STT3B: variants seen among roughly 807,000 people sequenced by gnomAD.
STT3B encodes the protein STT3 oligosaccharyltransferase complex catalytic subunit B.
Under a neutral mutation model 96.8 loss-of-function variants are expected in STT3B, and 29 were observed. The ratio of observed to expected loss-of-function variants is 0.30; its 90% CI spans 0.22 to 0.41. The LOEUF is 0.41. Ranked by LOEUF, STT3B falls within the 10% of genes least tolerant of loss-of-function variation. The pLI, the probability that STT3B is intolerant of heterozygous loss-of-function variation, is 1.00. For synonymous variants in STT3B, 367 were observed against 360.0 expected (o/e 1.02, Z -0.22); for missense variants, 640 against 1,022.3 (o/e 0.63, Z 5.10).
At chr3:31,535,684 C>T (rs1261872903) in intron 1 of STT3B, among the ~76,000 whole-genome samples, 2 of 152,142 alleles carry the variant, frequency 1.3e-5, no homozygotes, top group African/African-American at 4.8e-5. Flanking sequence ...GATCGCGCCA[C>T]TGCACTCCAG....
chr3:31,620,219 GAGTCAAGATCA>G, intron 9 of STT3B: 1 of 203,790 alleles, frequency 4.9e-6, no homozygotes, highest in Non-Finnish European at 1.0e-5. Context: ...AGGTTGCAGT[GAGTCAAGATCA>G]AGCCACTGCA....
intron 9 of STT3B, among the ~76,000 whole-genome samples, chr3:31,621,874 T>C (rs1015684200): frequency 3.3e-5 from 5 of 152,242 alleles, no homozygotes; most frequent in Non-Finnish European, 5.9e-5. Context: ...ATCATATACA[T>C]TTTTCTAAAC....
intron 15 of STT3B, among the ~76,000 whole-genome samples, chr3:31,634,201 CATT>C (rs1336100520): frequency 1.3e-5 from 2 of 152,110 alleles, no homozygotes; most frequent in East Asian, 3.9e-4. Flanking sequence ...GGTAAAATAA[CATT>C]AAAAAATCAG....
intron 3 of STT3B, among the ~76,000 whole-genome samples, chr3:31,588,482 T>C (rs966676506): frequency 2.0e-5 from 3 of 151,078 alleles, no homozygotes; most frequent in African/African-American, 2.4e-5. Context: ...TCTTTAGTCA[T>C]CTGGATGCAC....
At chr3:31,559,758 T>C (rs1035100889) in intron 1 of STT3B, among the ~76,000 whole-genome samples, 4 of 152,112 alleles carry the variant, frequency 2.6e-5, no homozygotes, top group African/African-American at 4.8e-5. Flanking sequence ...TTTGTCTACA[T>C]GATCTATCTG....
At chr3:31,561,213 GAATA>G (rs1316225318) in intron 1 of STT3B, among the ~76,000 whole-genome samples, 1 of 150,036 alleles carries the variant, frequency 6.7e-6, no homozygotes, top group East Asian at 2.0e-4. Context: ...AGTTTTTTTA[GAATA>G]AATAATTTGA....
At chr3:31,627,488 C>T (rs1699561548) in intron 13 of STT3B, among the ~76,000 whole-genome samples, 1 of 152,176 alleles carries the variant, frequency 6.6e-6, no homozygotes, top group African/African-American at 2.4e-5. Context: ...ACCTCTTTCA[C>T]TAAATTGTGA....
At chr3:31,630,544 T>C (rs1699632851) in intron 14 of STT3B, among the ~76,000 whole-genome samples, 1 of 152,246 alleles carries the variant, frequency 6.6e-6, no homozygotes, top group Non-Finnish European at 1.5e-5. Context: ...AACGTCTTAA[T>C]AAATTTGTTT....
intron 5 of STT3B, among the ~76,000 whole-genome samples, chr3:31,605,528 G>A (rs998067787): frequency 2.0e-5 from 3 of 152,004 alleles, no homozygotes; most frequent in Admixed American, 1.3e-4. Context: ...AGATCTGATG[G>A]TTTTATAAGG....
chr3:31,582,736 G>A (rs976822303), intron 3 of STT3B, among the ~76,000 whole-genome samples: 1 of 151,752 alleles, frequency 6.6e-6, no homozygotes, highest in East Asian at 1.9e-4. Flanking sequence ...CATAAGTTCT[G>A]ATACATTGTG....
intron 1 of STT3B, among the ~76,000 whole-genome samples, chr3:31,552,171 T>C (rs961479475): frequency 6.6e-6 from 1 of 152,224 alleles, no homozygotes; most frequent in South Asian, 2.1e-4. Flanking sequence ...TGAGTTTGTT[T>C]AAAATTGCTG....
chr3:31,573,479 G>C (rs1264106689), intron 1 of STT3B, among the ~76,000 whole-genome samples: 1 of 152,154 alleles, frequency 6.6e-6, no homozygotes, highest in East Asian at 1.9e-4. Flanking sequence ...ACAGATTTCA[G>C]AGATATTTAG....
chr3:31,580,185 A>C, intron 3 of STT3B, 89 bp downstream of exon 3: 1 of 1,299,822 alleles, frequency 7.7e-7, no homozygotes, highest in Non-Finnish European at 1.1e-6. Flanking sequence ...GTCTTTTACA[A>C]ATTATGTAGT....
intron 10 of STT3B, among the ~76,000 whole-genome samples, chr3:31,623,096 T>C (rs1465676550): frequency 6.6e-6 from 1 of 152,198 alleles, no homozygotes; most frequent in Admixed American, 6.5e-5. Context: ...TGCTTTGTGG[T>C]TTCTTAACCA....
chr3:31,590,920 A>T (rs1343646382), intron 3 of STT3B, among the ~76,000 whole-genome samples: 1 of 152,110 alleles, frequency 6.6e-6, no homozygotes, highest in African/African-American at 2.4e-5. Context: ...CATCCTGGAC[A>T]GTGATCCACA....
At chr3:31,625,163 GAA>G in intron 12 of STT3B, 78 bp downstream of exon 12, 1 of 1,296,186 alleles carries the variant, frequency 7.7e-7, no homozygotes, top group Admixed American at 2.3e-5. Flanking sequence ...GACTAAATAG[GAA>G]AAATGTGGGT....
chr3:31,630,835 C>T (rs562000792), intron 14 of STT3B, among the ~76,000 whole-genome samples: 6 of 151,510 alleles, frequency 4.0e-5, no homozygotes, highest in East Asian at 1.9e-4. Flanking sequence ...CTCGCTCTGT[C>T]GCCCAGGCTG....
chr3:31,597,349 G>A (rs148526820), intron 4 of STT3B, among the ~76,000 whole-genome samples: 2,183 of 150,582 alleles, frequency 0.014, 31 homozygotes, highest in Non-Finnish European at 0.023. Flanking sequence ...TAGTAGAGAC[G>A]GGGTTTCACC....
In STT3B at chr3:31,619,672, C is replaced by T. The variant is rs1274452018; in HGVS notation, c.1173-4C>T. 6.2e-7 allele frequency: 1 copy of T among 1,600,768 alleles called. No individual in the cohort carries two copies. Among genetic ancestry groups the T allele is most frequent in the Admixed American group, 1.8e-5 (1 of 56,990 alleles). On this transcript the variant is annotated splice_region_variant and splice_polypyrimidine_tract_variant and intron_variant, in intron 8 of 15. Coordinates refer to ENST00000295770, the MANE Select transcript of STT3B (RefSeq NM_178862.3). ...GTAAACAATATTAACTTTTTTAATA[C>T]CAGGTATGCAAAAATACACATTCCA...
Sources: gnomAD v4.1 joint callset for allele counts (sites outside exome capture counted in the v4.1 genomes callset) on GRCh38, gnomAD v4.1.1 for gene constraint, MANE v1.5 for transcripts, NCBI Gene and HGNC (gene_info 2026-07-23, HGNC 2026-07-21) for gene names.